ACAN: variants seen among roughly 807,000 people sequenced by gnomAD.
The protein encoded by ACAN is aggrecan.
A neutral mutation model predicts 169.1 loss-of-function variants in ACAN; 47 were observed. The observed-to-expected ratio is 0.28, with a 90% confidence interval of 0.22 to 0.35. ACAN has a LOEUF of 0.35. ACAN is among the 10% of genes least tolerant of loss of function. The pLI is 1.00. For missense variants in ACAN, 2,716 were observed against 2,759.9 expected (o/e 0.98, Z 0.36); for synonymous variants, 1,115 against 1,112.2 (o/e 1.00, Z -0.05).
intron 1 of ACAN, among the ~76,000 whole-genome samples, chr15:88,824,248 C>A (rs1896151524): frequency 6.6e-6 from 1 of 151,858 alleles, no homozygotes; most frequent in Admixed American, 6.6e-5. Flanking sequence ...GGCGTGAACC[C>A]AGGAGGCGGA....
chr15:88,863,792 G>C (rs1897240723), intron 13 of ACAN, among the ~76,000 whole-genome samples: 1 of 152,186 alleles, frequency 6.6e-6, no homozygotes, highest in South Asian at 2.1e-4. Context: ...GAAAATATAG[G>C]GTTGCAAGTG....
At chr15:88,825,580 A>T (rs980228180) in intron 1 of ACAN, among the ~76,000 whole-genome samples, 3 of 152,216 alleles carry the variant, frequency 2.0e-5, no homozygotes, top group Non-Finnish European at 4.4e-5. Context: ...AGGAAACTGC[A>T]TAGAGACTGG....
At chr15:88,806,425 C>T (rs1389665138) in intron 1 of ACAN, among the ~76,000 whole-genome samples, 1 of 151,660 alleles carries the variant, frequency 6.6e-6, no homozygotes, top group Non-Finnish European at 1.5e-5. Context: ...AATGTTGGCT[C>T]ACTGCAACCT....
intron 9 of ACAN, among the ~76,000 whole-genome samples, chr15:88,848,929 C>G (rs1399692066): frequency 6.6e-6 from 1 of 152,210 alleles, no homozygotes; most frequent in Non-Finnish European, 1.5e-5. Flanking sequence ...TCCCCCTAAA[C>G]CGGATAGGTA....
intron 1 of ACAN, among the ~76,000 whole-genome samples, chr15:88,835,823 A>G (rs1340115530): frequency 6.6e-6 from 1 of 152,144 alleles, no homozygotes; most frequent in Non-Finnish European, 1.5e-5. Flanking sequence ...TTCCAATGTC[A>G]ATCTCATCCA....
chr15:88,829,655 T>C (rs1596123979), intron 1 of ACAN, among the ~76,000 whole-genome samples: 1 of 152,212 alleles, frequency 6.6e-6, no homozygotes, highest in Non-Finnish European at 1.5e-5. Flanking sequence ...TGCTGGTGAC[T>C]GGTGACTACA....
At chr15:88,864,752 G>A (rs1260489104) in intron 13 of ACAN, among the ~76,000 whole-genome samples, 1 of 152,114 alleles carries the variant, frequency 6.6e-6, no homozygotes, top group East Asian at 1.9e-4. Flanking sequence ...AATTTTATCT[G>A]TATTTCTTAA....
At position 88,851,787 on chromosome 15, in the gene ACAN, C is replaced by CGG. The variant is rs1327731020; in HGVS notation, c.2027-7_2027-6insGG. 3 of 1,576,054 alleles carry CGG rather than the reference C, an allele frequency of 1.9e-6. No homozygotes were observed. Among genetic ancestry groups the CGG allele is most frequent in the Non-Finnish European group, 2.6e-6 (3 of 1,160,650 alleles). On this transcript the variant is annotated splice_region_variant and splice_polypyrimidine_tract_variant and intron_variant, in intron 10 of 18. Coordinates refer to ENST00000560601, the MANE Select transcript of ACAN (RefSeq NM_001369268.1). The surrounding 1 kb of genome is among the most constrained non-coding windows in gnomAD (Gnocchi z 4.3). ...GGACTCACTCTGACCACCCACATCT[C>CGG]CTTTAGGCATTTCAGCGGTTCCTTC...
In ACAN at chr15:88,868,405, A is replaced by G. The variant is rs1897315613; in HGVS notation, c.7060+76A>G. Reference sequence around the variant, plus strand: ...TCCTCCCTCACCTTTCCCTCCTAACAACAGGCTCCAGGCCCTGGCTGGGGC... The same window carrying G: ...TCCTCCCTCACCTTTCCCTCCTAACGACAGGCTCCAGGCCCTGGCTGGGGC... On this transcript the variant is annotated intron_variant, in intron 14 of 18. Coordinates refer to ENST00000560601, the MANE Select transcript of ACAN (RefSeq NM_001369268.1). This position sits in a 1 kb window ranked among gnomAD's most constrained non-coding sequence, Gnocchi z 5.2. 1 of 656,722 alleles carries G rather than the reference A, an allele frequency of 1.5e-6. No individual in the cohort carries two copies. The highest frequency in any genetic ancestry group is 2.2e-5 in the Admixed American group (1 of 46,444). 40.7% of individuals were successfully genotyped at this position (656,722 alleles called of 1,614,324 possible).
At chr15:88,818,628 T>C (rs8033375) in intron 1 of ACAN, among the ~76,000 whole-genome samples, 35,730 of 152,042 alleles carry the variant, frequency 0.24, 5,753 homozygotes, top group African/African-American at 0.45. Flanking sequence ...ACTCAAATAC[T>C]CAATAGTCTG....
intron 1 of ACAN, among the ~76,000 whole-genome samples, chr15:88,826,571 C>G (rs762477708): frequency 6.6e-6 from 1 of 151,882 alleles, no homozygotes; most frequent in South Asian, 2.1e-4. Context: ...CACTTGGGAA[C>G]CCCCTCCTCC....
At chr15:88,831,152 A>G (rs891981274) in intron 1 of ACAN, among the ~76,000 whole-genome samples, 6 of 152,370 alleles carry the variant, frequency 3.9e-5, no homozygotes, top group African/African-American at 7.2e-5. Context: ...AAAATTTGAA[A>G]GAGATGCATA....
rs569965218 is a variant in ACAN, at chr15:88,839,072, G to A, written c.454+26G>A. ...GTGAGAGCCTCCCACAGGGACAGAC[G>A]CTGCTTCACCCACATAAAGAACCAG... On this transcript the variant is annotated intron_variant, in intron 3 of 18. Coordinates refer to ENST00000560601, the MANE Select transcript of ACAN (RefSeq NM_001369268.1). The surrounding 1 kb of genome is among the most constrained non-coding windows in gnomAD (Gnocchi z 4.5). 1.9e-5 allele frequency: 31 copies of A among 1,596,084 alleles called. No homozygotes were observed. The highest frequency in any genetic ancestry group is 3.3e-5 in the Admixed American group (2 of 59,904).
rs75524333 is a variant in ACAN, at chr15:88,843,658, G to A, written c.1051+10G>A. On this transcript the variant is annotated intron_variant, in intron 6 of 18. Transcript: ENST00000560601. The surrounding 1 kb of genome is among the most constrained non-coding windows in gnomAD (Gnocchi z 4.0). ...GCCATCTGCTACACAGGTGGGGCAC[G>A]GCTGGTGGTGGGAAGGGAGTTCATG... 27,310 of 1,555,874 alleles carry A rather than the reference G, an allele frequency of 0.018. 263 individuals are homozygous for A. The highest frequency in any genetic ancestry group is 0.021 in the Non-Finnish European group (23,962 of 1,143,394).
chr15:88,808,874 A>C (rs1477631866), intron 1 of ACAN, among the ~76,000 whole-genome samples: 1 of 147,474 alleles, frequency 6.8e-6, no homozygotes, highest in African/African-American at 2.4e-5. Context: ...TAGGCAGTGC[A>C]GAGGGGACAA....
chr15:88,874,126 T>C lies in ACAN; in HGVS notation c.7630+102T>C. On this transcript the variant is annotated intron_variant, in intron 18 of 18. Coordinates refer to ENST00000560601, the MANE Select transcript of ACAN (RefSeq NM_001369268.1). This position sits in a 1 kb window ranked among gnomAD's most constrained non-coding sequence, Gnocchi z 7.3. ...TGGGGACCCTACACCGTCCACAGGG[T>C]TGAGCAAGGGAAGGGAGGTCGGGGG... is the stretch of plus-strand genomic sequence containing the variant. 6.7e-7 allele frequency: 1 copy of C among 1,482,304 alleles called. No homozygotes were observed. The highest frequency in any genetic ancestry group is 9.1e-7 in the Non-Finnish European group (1 of 1,093,458). The allele number at this position is 1,482,304 out of a possible 1,614,324, so 91.8% of individuals were successfully genotyped here. A position where few individuals can be genotyped will look rare whatever the true frequency, so the allele number is the denominator to read the frequency against.
intron 1 of ACAN, among the ~76,000 whole-genome samples, chr15:88,819,106 T>A (rs888936203): frequency 1.3e-5 from 2 of 152,168 alleles, no homozygotes; most frequent in Non-Finnish European, 2.9e-5. Flanking sequence ...TGGGAGGCTA[T>A]TAAGCACTAT....
At chr15:88,867,901 G>A (rs1897305629) in intron 13 of ACAN, among the ~76,000 whole-genome samples, 1 of 152,192 alleles carries the variant, frequency 6.6e-6, no homozygotes, top group Admixed American at 6.5e-5. Context: ...GGAACTCTAT[G>A]TTCCCCGTCA....
intron 6 of ACAN, among the ~76,000 whole-genome samples, chr15:88,844,922 C>T (rs1241158119): frequency 6.6e-6 from 1 of 152,136 alleles, no homozygotes; most frequent in African/African-American, 2.4e-5. Context: ...CCTGATCTTA[C>T]AGGAAGAGGG....
Sources: gnomAD v4.1 joint callset for allele counts (sites outside exome capture counted in the v4.1 genomes callset) on GRCh38, gnomAD v4.1.1 for gene constraint, Gnocchi (gnomAD v3.1) non-coding constraint, MANE v1.5 for transcripts, NCBI Gene and HGNC (gene_info 2026-07-23, HGNC 2026-07-21) for gene names.